PABPC4L: variants seen among roughly 807,000 people sequenced by gnomAD.
PABPC4L encodes polyadenylate-binding protein 4-like.
For synonymous variants in PABPC4L, 169 were observed against 164.1 expected (o/e 1.03, Z -0.23); for missense variants, 452 against 451.4 (o/e 1.00, Z -0.01).
chr4:134,032,339 T>C, the PABPC4L span, among the ~76,000 whole-genome samples: 2 of 151,908 alleles, frequency 1.3e-5, 1 homozygote, highest in Non-Finnish European at 2.9e-5. Flanking sequence ...CTGAGTTTTA[T>C]AAATTCTACT....
At chr4:134,022,074 T>C in the PABPC4L span, among the ~76,000 whole-genome samples, 1 of 152,078 alleles carries the variant, frequency 6.6e-6, no homozygotes, top group Non-Finnish European at 1.5e-5. Flanking sequence ...ATTTTCCAAG[T>C]CTAGAAAAAA....
At chr4:134,000,012 A>G in the PABPC4L span, among the ~76,000 whole-genome samples, 1 of 152,150 alleles carries the variant, frequency 6.6e-6, no homozygotes, top group Non-Finnish European at 1.5e-5. Context: ...CTTGTAAGTT[A>G]TATTTTAAAA....
At chr4:134,124,634 G>A in the PABPC4L span, among the ~76,000 whole-genome samples, 4 of 152,022 alleles carry the variant, frequency 2.6e-5, no homozygotes, top group Non-Finnish European at 4.4e-5. Flanking sequence ...AGGAAAAGGA[G>A]ATGTTTGGTT....
At chr4:134,153,418 A>G in the PABPC4L span, among the ~76,000 whole-genome samples, 1 of 152,052 alleles carries the variant, frequency 6.6e-6, no homozygotes, top group African/African-American at 2.4e-5. Context: ...GCAAATGTCC[A>G]TAAAGGTTAC....
Position 134,199,320 on chromosome 4 carries a change from A to T in PABPC4L, c.*587T>A, listed in dbSNP as rs1004739560. The T allele has an allele frequency of 6.6e-6, 1 of 152,192 alleles. No homozygotes were observed. Among genetic ancestry groups the T allele is most frequent in the Non-Finnish European group, 1.5e-5 (1 of 68,014 alleles). 9.4% of individuals were successfully genotyped at this position (152,192 alleles called of 1,614,324 possible). ...AACTTCCATCATCTTAATTTAAACC[A>T]TCCGAAAAACAAGCATGTCAGGATA... On this transcript the variant is annotated 3_prime_UTR_variant, in exon 2 of 2. Coordinates refer to ENST00000421491, the MANE Select transcript of PABPC4L (RefSeq NM_001114734.2).
the PABPC4L span, among the ~76,000 whole-genome samples, chr4:134,063,988 A>G: frequency 1.3e-5 from 2 of 152,038 alleles, no homozygotes; most frequent in African/African-American, 4.8e-5. Flanking sequence ...ATTATTCCTA[A>G]AACATTTATG....
At chr4:134,187,982 CCCT>C in the PABPC4L span, among the ~76,000 whole-genome samples, 1 of 151,704 alleles carries the variant, frequency 6.6e-6, no homozygotes, top group Non-Finnish European at 1.5e-5. Flanking sequence ...CTTATGATTT[CCCT>C]CCTTTTTTAT....
chr4:134,091,188 G>C, the PABPC4L span, among the ~76,000 whole-genome samples: 23 of 151,888 alleles, frequency 1.5e-4, no homozygotes, highest in Admixed American at 5.3e-4. Flanking sequence ...GTCTTTCAGG[G>C]TTTTTAAAAA....
chr4:134,046,338 C>T, the PABPC4L span, among the ~76,000 whole-genome samples: 5 of 152,184 alleles, frequency 3.3e-5, no homozygotes, highest in African/African-American at 9.6e-5. Flanking sequence ...TTCTCTCCAC[C>T]CAAACATCTC....
chr4:134,066,396 T>A, the PABPC4L span, among the ~76,000 whole-genome samples: 1 of 152,146 alleles, frequency 6.6e-6, no homozygotes, highest in South Asian at 2.1e-4. Flanking sequence ...TGATTTTGCA[T>A]CCTGAAATGT....
At chr4:134,090,136 C>A in the PABPC4L span, among the ~76,000 whole-genome samples, 1 of 152,070 alleles carries the variant, frequency 6.6e-6, no homozygotes, top group Non-Finnish European at 1.5e-5. Context: ...CTCATCCCAA[C>A]GGTTCTGCAT....
At chr4:134,003,145 G>C in the PABPC4L span, among the ~76,000 whole-genome samples, 432 of 152,038 alleles carry the variant, frequency 2.8e-3, 1 homozygote, top group Middle Eastern at 0.014. Flanking sequence ...AAGATTATCT[G>C]ATATAGTCTC....
At chr4:133,955,269 G>GA in the PABPC4L span, among the ~76,000 whole-genome samples, 10 of 149,052 alleles carry the variant, frequency 6.7e-5, no homozygotes, top group East Asian at 7.9e-4. Context: ...GACTGGCTTT[G>GA]AAAAAAAAAG....
At chr4:134,064,426 T>C in the PABPC4L span, among the ~76,000 whole-genome samples, 38 of 152,148 alleles carry the variant, frequency 2.5e-4, no homozygotes, top group African/African-American at 6.5e-4. Flanking sequence ...GACCACTTGG[T>C]TGATATTAAT....
At chr4:134,046,043 A>G in the PABPC4L span, among the ~76,000 whole-genome samples, 1 of 152,120 alleles carries the variant, frequency 6.6e-6, no homozygotes, top group African/African-American at 2.4e-5. Context: ...GGGACAAGAG[A>G]CTGAGAAAAT....
At chr4:133,961,839 G>T in the PABPC4L span, among the ~76,000 whole-genome samples, 6 of 152,160 alleles carry the variant, frequency 3.9e-5, no homozygotes, top group Admixed American at 6.5e-5. Flanking sequence ...AATCAGGCTA[G>T]AGGCTCACCA....
chr4:134,081,161 T>G, the PABPC4L span, among the ~76,000 whole-genome samples: 2 of 152,256 alleles, frequency 1.3e-5, no homozygotes, highest in East Asian at 3.9e-4. Flanking sequence ...TACTATACAT[T>G]TAATGGCTGT....
At chr4:134,045,522 C>T in the PABPC4L span, among the ~76,000 whole-genome samples, 1 of 152,246 alleles carries the variant, frequency 6.6e-6, no homozygotes, top group African/African-American at 2.4e-5. Flanking sequence ...AGGAGAAGTG[C>T]ATAGAGCTTC....
chr4:134,118,082 G>A, the PABPC4L span, among the ~76,000 whole-genome samples: 4 of 151,816 alleles, frequency 2.6e-5, no homozygotes, highest in Non-Finnish European at 4.4e-5. Flanking sequence ...GGATAATGGT[G>A]TCAACAACAT....
Sources: allele counts gnomAD v4.1 joint callset (sites outside exome capture counted in the v4.1 genomes callset), GRCh38; gene constraint gnomAD v4.1.1; transcripts MANE v1.5; gene names NCBI Gene and HGNC (gene_info 2026-07-23, HGNC 2026-07-21).